The following ATRNL1 variants were observed in gnomAD, a reference collection of about 807,000 sequenced individuals.
The protein encoded by ATRNL1 is attractin like 1.
ATRNL1 carries 95 observed loss-of-function variants against 182.7 expected under a neutral mutation model. The observed-to-expected ratio is 0.52, with a 90% CI of 0.44 to 0.62. The LOEUF is 0.62. Ranked by LOEUF, ATRNL1 falls within the 20% of genes least tolerant of loss-of-function variation. The pLI, the probability that ATRNL1 is intolerant of heterozygous loss-of-function variation, is 0.00. For missense variants in ATRNL1, 1,471 were observed against 1,679.5 expected (o/e 0.88, Z 2.17); for synonymous variants, 576 against 568.3 (o/e 1.01, Z -0.19).
chr10:115,452,092 C>T (rs79358172), intron 21 of ATRNL1, among the ~76,000 whole-genome samples: 1 of 152,092 alleles, frequency 6.6e-6, no homozygotes, highest in Non-Finnish European at 1.5e-5. Flanking sequence ...ATACAACAGA[C>T]ACGGGGGTCT....
At chr10:115,140,279 C>T (rs1008543533) in intron 5 of ATRNL1, among the ~76,000 whole-genome samples, 6 of 152,146 alleles carry the variant, frequency 3.9e-5, no homozygotes, top group East Asian at 3.8e-4. Flanking sequence ...ACAAAATCCA[C>T]ACAATAAAGG....
intron 26 of ATRNL1, among the ~76,000 whole-genome samples, chr10:115,689,169 T>G (rs1221212679): frequency 6.6e-6 from 1 of 152,182 alleles, no homozygotes; most frequent in Non-Finnish European, 1.5e-5. Context: ...GTGTCTGTTT[T>G]TATACCAATA....
chr10:115,282,259 A>T (rs950234760), intron 14 of ATRNL1, among the ~76,000 whole-genome samples: 27 of 147,710 alleles, frequency 1.8e-4, no homozygotes, highest in Non-Finnish European at 3.0e-4. Flanking sequence ...TTATTTTTTT[A>T]AAATTATTAT....
At chr10:115,155,070 CTCTT>C (rs1205317659) in intron 5 of ATRNL1, among the ~76,000 whole-genome samples, 4 of 152,068 alleles carry the variant, frequency 2.6e-5, no homozygotes, top group Admixed American at 6.6e-5. Flanking sequence ...TTCTTTGTCT[CTCTT>C]TATTGTTTTT....
chr10:115,470,144 T>A (rs1848236411), intron 24 of ATRNL1, among the ~76,000 whole-genome samples: 1 of 150,404 alleles, frequency 6.6e-6, no homozygotes, highest in South Asian at 2.1e-4. Context: ...TAACTAGAAA[T>A]GTTTGCAGGT....
At chr10:115,683,253 A>G (rs557520266) in intron 26 of ATRNL1, among the ~76,000 whole-genome samples, 28 of 152,128 alleles carry the variant, frequency 1.8e-4, no homozygotes, top group African/African-American at 6.5e-4. Context: ...TTCTGGACCA[A>G]CAGAGGTGCA....
intron 27 of ATRNL1, among the ~76,000 whole-genome samples, chr10:115,757,986 C>T (rs1555072490): frequency 2.0e-5 from 3 of 151,738 alleles, no homozygotes; most frequent in South Asian, 2.1e-4. Flanking sequence ...ACGAAGTTCT[C>T]GTGCTGTGAT....
At chr10:115,595,515 G>A (rs557952136) in intron 26 of ATRNL1, among the ~76,000 whole-genome samples, 2 of 151,994 alleles carry the variant, frequency 1.3e-5, no homozygotes, top group Non-Finnish European at 2.9e-5. Context: ...ATTTATTAAG[G>A]CAGTAGTTAA....
intron 26 of ATRNL1, among the ~76,000 whole-genome samples, chr10:115,696,894 AGAGAGC>A (rs782751866): frequency 2.3e-4 from 34 of 149,140 alleles, no homozygotes; most frequent in East Asian, 7.8e-4. Flanking sequence ...AGAGAGAGAG[AGAGAGC>A]GAGCGAGCTA....
intron 8 of ATRNL1, among the ~76,000 whole-genome samples, chr10:115,179,941 G>T (rs1847683624): frequency 6.6e-6 from 1 of 151,872 alleles, no homozygotes; most frequent in Admixed American, 6.6e-5. Flanking sequence ...CCTTATTTAT[G>T]TATTTCTTCT....
chr10:115,619,453 A>G (rs74161608), intron 26 of ATRNL1, among the ~76,000 whole-genome samples: 1,664 of 145,742 alleles, frequency 0.011, 30 homozygotes, highest in African/African-American at 0.039. Flanking sequence ...GCGAGTACAC[A>G]TGAGCTTTGA....
At position 115,555,616 on chromosome 10, in the gene ATRNL1, A is replaced by G. The variant is rs552422059; in HGVS notation, c.3795+6080A>G. Among the ~76,000 whole-genome samples, 12 of 152,102 alleles carry G rather than the reference A, an allele frequency of 7.9e-5. No homozygotes were observed. The South Asian group carries it at 2.1e-3, about 26-fold the overall frequency. The stretch of plus-strand genomic sequence containing the variant: ...AGCACATTTTTAGACAAATACAGCA[A>G]TGAACAAGCCAAATAAAATCCCAGC... On this transcript the variant is annotated intron_variant, in intron 26 of 28. Transcript: ENST00000355044.
chr10:115,834,080 C>T (rs908755038), intron 27 of ATRNL1, among the ~76,000 whole-genome samples: 2 of 152,196 alleles, frequency 1.3e-5, no homozygotes, highest in African/African-American at 2.4e-5. Context: ...TTTCTATCTA[C>T]AGTTAATTTG....
At chr10:115,721,094 T>C (rs1157442300) in intron 26 of ATRNL1, among the ~76,000 whole-genome samples, 1 of 152,154 alleles carries the variant, frequency 6.6e-6, no homozygotes, top group Non-Finnish European at 1.5e-5. Context: ...ATTTGCCCTT[T>C]AGAGGTCTGT....
intron 21 of ATRNL1, among the ~76,000 whole-genome samples, chr10:115,446,629 CA>C (rs1343324680): frequency 1.3e-5 from 2 of 151,778 alleles, no homozygotes; most frequent in African/African-American, 4.8e-5. Context: ...GTAAGAAAAG[CA>C]AAAATGTTTA....
At chr10:115,737,441 A>G (rs1231974588) in intron 27 of ATRNL1, among the ~76,000 whole-genome samples, 1 of 152,052 alleles carries the variant, frequency 6.6e-6, no homozygotes, top group Non-Finnish European at 1.5e-5. Flanking sequence ...GTCTAAAAAA[A>G]AAAAAAGAAA....
At chr10:115,437,496 C>CA (rs1554964967) in intron 21 of ATRNL1, among the ~76,000 whole-genome samples, 1 of 151,926 alleles carries the variant, frequency 6.6e-6, no homozygotes, top group Non-Finnish European at 1.5e-5. Context: ...CATTACAGCA[C>CA]ATTGAGACTG....
intron 26 of ATRNL1, among the ~76,000 whole-genome samples, chr10:115,631,870 T>A (rs1454522541): frequency 6.6e-6 from 1 of 152,086 alleles, no homozygotes; most frequent in East Asian, 1.9e-4. Context: ...AGCGGTAATC[T>A]GAAAAACAAT....
rs781921607 is a variant in ATRNL1, at chr10:115,945,590, C to T, written c.*811C>T. 3 of 152,172 alleles carry T rather than the reference C, an allele frequency of 2.0e-5. No individual in the cohort carries two copies. Among genetic ancestry groups the T allele is most frequent in the Non-Finnish European group, 4.4e-5 (3 of 68,030 alleles). The allele number at this position is 152,172 out of a possible 1,614,324, so 9.4% of individuals were successfully genotyped here. On this transcript the variant is annotated 3_prime_UTR_variant, in exon 29 of 29. Transcript: ENST00000355044. ...GCCGAAATGGTTATTTTACAGCATA[C>T]AAGCTTCTGCTCCAGTATGATAATT...
Sources: allele counts gnomAD v4.1 joint callset (sites outside exome capture counted in the v4.1 genomes callset), GRCh38; gene constraint gnomAD v4.1.1; transcripts MANE v1.5; gene names NCBI Gene and HGNC (gene_info 2026-07-23, HGNC 2026-07-21).